WWC2: variants seen among roughly 807,000 people sequenced by gnomAD.
WWC2 encodes WW and C2 domain containing 2, also known as protein WWC2.
WWC2 carries 101 observed loss-of-function variants against 138.5 expected under a neutral mutation model. The observed-to-expected ratio is 0.73, with a 90% CI of 0.62 to 0.86. The LOEUF (loss-of-function observed/expected upper bound fraction) is 0.86. WWC2 is among the 40% of genes least tolerant of loss of function. The probability of loss-of-function intolerance (pLI) is 0.00; values close to 1 mark genes in which losing one functional copy is unlikely to be tolerated. For synonymous variants in WWC2, 558 were observed against 538.4 expected (o/e 1.04, Z -0.50); for missense variants, 1,420 against 1,419.4 (o/e 1.00, Z -0.01).
chr4:183,124,281 C>A (rs535373477), intron 1 of WWC2, among the ~76,000 whole-genome samples: 1 of 151,986 alleles, frequency 6.6e-6, no homozygotes, highest in South Asian at 2.1e-4. Flanking sequence ...ACAGGATAAT[C>A]CTTTAATATT....
chr4:183,287,612 G>C (rs1414904756), intron 20 of WWC2, among the ~76,000 whole-genome samples: 2 of 152,214 alleles, frequency 1.3e-5, no homozygotes, highest in African/African-American at 4.8e-5. Flanking sequence ...GGTTTGATAG[G>C]AACAAGTGGA....
chr4:183,143,195 T>C (rs1733353735), intron 1 of WWC2, among the ~76,000 whole-genome samples: 1 of 152,130 alleles, frequency 6.6e-6, no homozygotes. Context: ...CAATAATGGG[T>C]GTAGGTGACT....
At position 183,260,135 on chromosome 4, in the gene WWC2, CTTCT is replaced by C. The variant is rs556308722; in HGVS notation, c.1286+414_1286+417del. On this transcript the variant is annotated intron_variant, in intron 10 of 22. Transcript: ENST00000403733. The stretch of plus-strand genomic sequence containing the variant: ...GCGAACCCAAGGGTCTTTTGTGTGA[CTTCT>C]TTCTTTTTATAAGCTTGCCTTCTTT... Among the ~76,000 whole-genome samples, 339 of 152,246 alleles carry C rather than the reference CTTCT, an allele frequency of 2.2e-3. 2 individuals carry two copies. The highest frequency in any genetic ancestry group is 7.8e-3 in the African/African-American group (322 of 41,546).
intron 1 of WWC2, among the ~76,000 whole-genome samples, chr4:183,190,098 T>C (rs542350576): frequency 1.3e-5 from 2 of 152,346 alleles, no homozygotes; most frequent in Admixed American, 6.5e-5. Context: ...AGGAAGACCT[T>C]TTTAAGCAAA....
intron 1 of WWC2, among the ~76,000 whole-genome samples, chr4:183,136,782 T>G (rs1319423370): frequency 5.9e-5 from 9 of 152,210 alleles, no homozygotes; most frequent in Non-Finnish European, 4.4e-5. Context: ...TTATGTATGG[T>G]CCAGGATAGT....
rs1733398219 is a variant in WWC2, at chr4:183,144,641, G to A, written c.131+45019G>A. ...GCTGCCAGGACTAATTGAAATTTTTGTAGCGAGAAAATATATGATCCCAAA... is the reference window on the plus strand; with the variant it reads ...GCTGCCAGGACTAATTGAAATTTTTATAGCGAGAAAATATATGATCCCAAA... On this transcript the variant is annotated intron_variant, in intron 1 of 22. Transcript: ENST00000403733. Among the ~76,000 whole-genome samples the A allele has an allele frequency of 2.0e-5, 3 of 152,092 alleles. No individual in the cohort carries two copies. In the South Asian group the frequency reaches 6.2e-4, roughly 32 times the overall value.
intron 4 of WWC2, among the ~76,000 whole-genome samples, chr4:183,237,874 T>C (rs188220396): frequency 4.3e-4 from 66 of 152,230 alleles, no homozygotes; most frequent in African/African-American, 1.5e-3. Flanking sequence ...CCTTTTTTTT[T>C]CCTCTTACAT....
At chr4:183,215,123 C>T (rs181013967) in intron 4 of WWC2, among the ~76,000 whole-genome samples, 1 of 152,334 alleles carries the variant, frequency 6.6e-6, no homozygotes, top group Admixed American at 6.5e-5. Flanking sequence ...TTCTCCTATA[C>T]AGCCATACCT....
intron 1 of WWC2, among the ~76,000 whole-genome samples, chr4:183,172,519 T>C (rs1354118461): frequency 6.6e-6 from 1 of 151,944 alleles, no homozygotes; most frequent in African/African-American, 2.4e-5. Context: ...TATATTCCAG[T>C]GTTGTGTTTG....
Position 183,265,038 on chromosome 4 carries a change from G to A in WWC2, c.1970G>A (p.Cys657Tyr). ...CACTTGCTTGGGGAGAAAACCACTT[G>A]TGTGTCGGCTGCTGTGTCTGATGAG... Reference protein sequence around the residue: ...VIHLLGEKTTCVSAAVSDESV... With the variant: ...VIHLLGEKTTYVSAAVSDESV... Residue 657 changes from cysteine (C) to tyrosine (Y), a missense_variant, in exon 12 of 23, where the codon TGT becomes TAT. By Grantham distance (194) the Cys-to-Tyr change is radical (BLOSUM62 -2). Coordinates refer to ENST00000403733, the MANE Select transcript of WWC2 (RefSeq NM_024949.6). 2.5e-6 allele frequency: 4 copies of A among 1,613,758 alleles called. No individual in the cohort carries two copies. Among genetic ancestry groups the A allele is most frequent in the Non-Finnish European group, 2.5e-6 (3 of 1,179,742 alleles).
intron 21 of WWC2, among the ~76,000 whole-genome samples, chr4:183,290,259 A>T (rs1738403703): frequency 6.6e-6 from 1 of 152,142 alleles, no homozygotes; most frequent in Non-Finnish European, 1.5e-5. Context: ...GCTCACACCT[A>T]TAATCCCAGC....
intron 7 of WWC2, among the ~76,000 whole-genome samples, chr4:183,249,507 CT>C: frequency 6.6e-6 from 1 of 152,048 alleles, no homozygotes; most frequent in African/African-American, 2.4e-5. Flanking sequence ...AATTTTTGAA[CT>C]TATTTAGTTT....
intron 1 of WWC2, among the ~76,000 whole-genome samples, chr4:183,118,633 C>A (rs1454227373): frequency 6.6e-6 from 1 of 152,192 alleles, no homozygotes; most frequent in South Asian, 2.1e-4. Context: ...AAAAAGTCAT[C>A]ATTTAGCATT....
intron 5 of WWC2, among the ~76,000 whole-genome samples, chr4:183,244,225 A>G (rs1210990719): frequency 6.6e-6 from 1 of 152,200 alleles, no homozygotes; most frequent in Admixed American, 6.5e-5. Context: ...TGCAGTATTC[A>G]TAATGAATCC....
rs546555995 is a variant in WWC2, at chr4:183,185,945, A to ATT, written c.132-7636_132-7635dup. Reference sequence around the variant, plus strand: ...ATGTAAAATTTGACCTTTAACATAGATTTTTTTTTTTTTTTTTTTGGTGAC... The same window carrying ATT: ...ATGTAAAATTTGACCTTTAACATAGATTTTTTTTTTTTTTTTTTTTTGGTGAC... On this transcript the variant is annotated intron_variant, in intron 1 of 22. Transcript: ENST00000403733. 7.1e-3 allele frequency among the ~76,000 whole-genome samples: 934 copies of ATT among 131,226 alleles called. 10 individuals are homozygous for ATT. The highest frequency in any genetic ancestry group is 0.02 in the African/African-American group (715 of 35,812). 86.1% of individuals were successfully genotyped at this position (131,226 alleles called of 152,430 possible).
At chr4:183,220,738 C>G (rs375617303) in intron 4 of WWC2, among the ~76,000 whole-genome samples, 141 of 151,544 alleles carry the variant, frequency 9.3e-4, no homozygotes, top group East Asian at 2.3e-3. Context: ...GGAGGCTGAG[C>G]CAGGAGAATG....
At chr4:183,137,418 A>G (rs991805758) in intron 1 of WWC2, among the ~76,000 whole-genome samples, 2 of 151,966 alleles carry the variant, frequency 1.3e-5, no homozygotes, top group Admixed American at 6.6e-5. Flanking sequence ...TAACAGCTCA[A>G]ACAAACACAC....
intron 1 of WWC2, among the ~76,000 whole-genome samples, chr4:183,111,096 C>G (rs9997705): frequency 6.6e-6 from 1 of 151,908 alleles, no homozygotes; most frequent in Admixed American, 6.6e-5. Flanking sequence ...AATAATTAGC[C>G]GGGCGTCGTG....
intron 1 of WWC2, among the ~76,000 whole-genome samples, chr4:183,139,886 C>T (rs1733243362): frequency 6.6e-6 from 1 of 152,144 alleles, no homozygotes; most frequent in South Asian, 2.1e-4. Context: ...GATCTCAGCT[C>T]ACTGCAACCT....
Sources: allele counts gnomAD v4.1 joint callset (sites outside exome capture counted in the v4.1 genomes callset), GRCh38; gene constraint gnomAD v4.1.1; transcripts MANE v1.5; gene names NCBI Gene and HGNC (gene_info 2026-07-23, HGNC 2026-07-21).